ROBO2: variants seen among roughly 807,000 people sequenced by gnomAD.
ROBO2 encodes the protein roundabout guidance receptor 2, also known as roundabout homolog 2.
Under a neutral mutation model 160.8 loss-of-function variants are expected in ROBO2, and 53 were observed. The ratio of observed to expected loss-of-function variants is 0.33; its 90% confidence interval spans 0.26 to 0.41. The LOEUF (loss-of-function observed/expected upper bound fraction) is 0.41, where lower values mean the gene tolerates loss of function less well. Among genes scored for constraint, ROBO2 ranks in the 10% least tolerant of loss-of-function variants. The probability of loss-of-function intolerance (pLI) is 1.00; values close to 1 mark genes in which losing one functional copy is unlikely to be tolerated. For missense variants in ROBO2, 1,577 were observed against 1,722.4 expected, an observed-to-expected ratio of 0.92 and a Z score of 1.49; for synonymous variants, 664 against 611.7, an observed-to-expected ratio of 1.09 and a Z score of -1.26.
chr3:77,246,327 A>G (rs78637179), intron 2 of ROBO2, among the ~76,000 whole-genome samples: 29,156 of 145,328 alleles, frequency 0.2, 3,007 homozygotes, highest in Middle Eastern at 0.32. Flanking sequence ...GTGTATGTGT[A>G]TGTGTGTGTG....
chr3:75,988,379 A>C (rs770678652), intron 2 of ROBO2, among the ~76,000 whole-genome samples: 25 of 151,944 alleles, frequency 1.6e-4, no homozygotes, highest in Non-Finnish European at 3.5e-4. Context: ...TAATGTTCTC[A>C]CTTTCATTTG....
Position 75,933,939 on chromosome 3 carries a change from G to A in ROBO2, c.-13-3542G>A, listed in dbSNP as rs1250301511. Among the ~76,000 whole-genome samples, 11 of 152,122 alleles carry A rather than the reference G, an allele frequency of 7.2e-5. No homozygotes were observed. The South Asian group carries it at 2.3e-3, about 32-fold the overall frequency. ...GTAATGCATCTCTTAAACTGTGGGG[G>A]TATTACTCTAGGCTCCATCGGACAA... On this transcript the variant is annotated intron_variant, in intron 1 of 26. Transcript: ENST00000487694.
intron 4 of ROBO2, 136 bp from the exon 5 acceptor site, chr3:77,493,108 A>T: frequency 1.2e-6 from 1 of 832,780 alleles, no homozygotes; most frequent in Non-Finnish European, 2.0e-6. Flanking sequence ...AGGCCTTATT[A>T]AAACACAGCT....
intron 2 of ROBO2, among the ~76,000 whole-genome samples, chr3:76,065,454 G>A (rs980621018): frequency 1.5e-4 from 23 of 151,920 alleles, no homozygotes; most frequent in East Asian, 9.7e-4. Context: ...CTTCCAAATC[G>A]ATACCAAAGA....
intron 1 of ROBO2, among the ~76,000 whole-genome samples, chr3:77,063,994 G>A (rs943992354): frequency 6.6e-6 from 1 of 152,058 alleles, no homozygotes; most frequent in Non-Finnish European, 1.5e-5. Flanking sequence ...ACTTGTTAGT[G>A]CACATACCTA....
intron 2 of ROBO2, among the ~76,000 whole-genome samples, chr3:76,279,547 T>C (rs1708120118): frequency 6.6e-6 from 1 of 151,984 alleles, no homozygotes; most frequent in African/African-American, 2.4e-5. Flanking sequence ...AAGGCCAATT[T>C]ATAGAGATTA....
intron 2 of ROBO2, among the ~76,000 whole-genome samples, chr3:76,743,114 A>G (rs1430715678): frequency 2.6e-5 from 4 of 152,102 alleles, no homozygotes; most frequent in Non-Finnish European, 2.9e-5. Context: ...CCAAAAATAT[A>G]TTTTCCCTCA....
At chr3:76,365,028 A>C (rs765272904) in intron 2 of ROBO2, among the ~76,000 whole-genome samples, 2 of 151,970 alleles carry the variant, frequency 1.3e-5, no homozygotes, top group Non-Finnish European at 2.9e-5. Flanking sequence ...CTCAAGTCTA[A>C]GAGAGATTAA....
intron 2 of ROBO2, among the ~76,000 whole-genome samples, chr3:76,327,179 A>G (rs1220612460): frequency 6.6e-6 from 1 of 152,142 alleles, no homozygotes; most frequent in Non-Finnish European, 1.5e-5. Context: ...AACTGATTTG[A>G]GTTTAAATGA....
At chr3:77,401,985 T>A (rs1451496173) in intron 2 of ROBO2, among the ~76,000 whole-genome samples, 1 of 152,146 alleles carries the variant, frequency 6.6e-6, no homozygotes, top group African/African-American at 2.4e-5. Flanking sequence ...CACACATATG[T>A]TTATTGCAGC....
At chr3:76,195,118 A>G (rs1462281113) in intron 2 of ROBO2, among the ~76,000 whole-genome samples, 1 of 152,192 alleles carries the variant, frequency 6.6e-6, no homozygotes, top group African/African-American at 2.4e-5. Flanking sequence ...TTAATTAAAA[A>G]GATATAATGA....
At chr3:77,103,412 T>TC (rs2072321191) in intron 2 of ROBO2, among the ~76,000 whole-genome samples, 1 of 151,418 alleles carries the variant, frequency 6.6e-6, no homozygotes, top group African/African-American at 2.4e-5. Context: ...CCAATCTTTT[T>TC]TTTTTTTTCT....
At chr3:75,919,362 C>T (rs1946934750) in intron 1 of ROBO2, among the ~76,000 whole-genome samples, 1 of 152,114 alleles carries the variant, frequency 6.6e-6, no homozygotes, top group Non-Finnish European at 1.5e-5. Flanking sequence ...TATGTTGAAC[C>T]AGCCTTGCAT....
chr3:76,647,360 A>C (rs7642587), intron 2 of ROBO2, among the ~76,000 whole-genome samples: 9,674 of 152,184 alleles, frequency 0.064, 1,002 homozygotes, highest in African/African-American at 0.21. Flanking sequence ...GTCTCCCACT[A>C]GTGCCCCCTA....
intron 19 of ROBO2, among the ~76,000 whole-genome samples, chr3:77,599,065 A>G (rs553973924): frequency 1.3e-5 from 2 of 152,170 alleles, no homozygotes; most frequent in South Asian, 4.1e-4. Context: ...TTTTCCCTTA[A>G]TTTTCATGAT....
At chr3:76,040,611 T>C (rs1399463694) in intron 2 of ROBO2, among the ~76,000 whole-genome samples, 1 of 152,094 alleles carries the variant, frequency 6.6e-6, no homozygotes, top group East Asian at 1.9e-4. Context: ...GCCAAATGTT[T>C]CAATACTGTT....
chr3:76,523,611 C>G (rs565126132), intron 2 of ROBO2, among the ~76,000 whole-genome samples: 1 of 152,088 alleles, frequency 6.6e-6, no homozygotes, highest in African/African-American at 2.4e-5. Context: ...CTCCAACACA[C>G]CAGATGTACA....
chr3:76,918,352 C>T (rs1003602457), intron 2 of ROBO2, among the ~76,000 whole-genome samples: 1 of 152,116 alleles, frequency 6.6e-6, no homozygotes, highest in African/African-American at 2.4e-5. Flanking sequence ...GAAGAGGTGC[C>T]TTCTGCCATG....
At chr3:76,482,812 A>G (rs2107358472) in intron 2 of ROBO2, among the ~76,000 whole-genome samples, 1 of 152,266 alleles carries the variant, frequency 6.6e-6, no homozygotes, top group East Asian at 1.9e-4. Context: ...CTTGGGTATT[A>G]TGGTCACTTT....
Sources: gnomAD v4.1 joint callset for allele counts (sites outside exome capture counted in the v4.1 genomes callset) on GRCh38, gnomAD v4.1.1 for gene constraint, MANE v1.5 for transcripts, NCBI Gene and HGNC (gene_info 2026-07-23, HGNC 2026-07-21) for gene names.